Variants in KDM4C observed in about 807,000 individuals in gnomAD.
KDM4C encodes the protein lysine demethylase 4C.
Under a neutral mutation model 129.3 loss-of-function variants are expected in KDM4C, and 81 were observed. The ratio of observed to expected loss-of-function variants is 0.63; its 90% CI spans 0.52 to 0.75. The LOEUF (loss-of-function observed/expected upper bound fraction) is 0.75, where lower values mean the gene tolerates loss of function less well. Among genes scored for constraint, KDM4C ranks in the 30% least tolerant of loss-of-function variants. The pLI is 0.00. For synonymous variants in KDM4C, 573 were observed against 456.1 expected (o/e 1.26, Z -3.26); for missense variants, 1,457 against 1,304.0 (o/e 1.12, Z -1.81).
intron 18 of KDM4C, among the ~76,000 whole-genome samples, chr9:7,111,979 G>C (rs1838371008): frequency 6.6e-6 from 1 of 151,986 alleles, no homozygotes; most frequent in African/African-American, 2.4e-5. Context: ...GGCTTCCTGG[G>C]AGCAAGACCC....
In KDM4C at chr9:6,950,967, A is replaced by G. The variant is rs145546187; in HGVS notation, c.922-29958A>G. 2.8e-3 allele frequency among the ~76,000 whole-genome samples: 431 copies of G among 152,264 alleles called. 2 individuals are homozygous for G. Among genetic ancestry groups the G allele is most frequent in the African/African-American group, 9.9e-3 (410 of 41,550 alleles). ...GGGGGAGGAGGAATAGCTTTACAGT[A>G]CTTATTCTTTGCCATCTCTGAAGGG... On this transcript the variant is annotated intron_variant, in intron 8 of 21. Transcript: ENST00000381309.
At chr9:6,804,900 G>T (rs529389412) in intron 2 of KDM4C, among the ~76,000 whole-genome samples, 1 of 151,612 alleles carries the variant, frequency 6.6e-6, no homozygotes, top group Non-Finnish European at 1.5e-5. Context: ...ACATAATTTC[G>T]TCTTTTTTTG....
intron 8 of KDM4C, among the ~76,000 whole-genome samples, chr9:6,919,572 T>C (rs901150500): frequency 4.0e-5 from 6 of 151,292 alleles, no homozygotes; most frequent in African/African-American, 1.5e-4. Flanking sequence ...TCTATCTATC[T>C]ATCTATCTAT....
intron 5 of KDM4C, among the ~76,000 whole-genome samples, chr9:6,850,857 C>T (rs535469262): frequency 5.9e-5 from 9 of 152,232 alleles, no homozygotes; most frequent in Non-Finnish European, 1.2e-4. Context: ...TAGGTTCAAG[C>T]GATTCTCCTG....
intron 8 of KDM4C, among the ~76,000 whole-genome samples, chr9:6,911,552 C>T (rs1333567462): frequency 6.6e-6 from 1 of 152,136 alleles, no homozygotes; most frequent in Non-Finnish European, 1.5e-5. Context: ...TCATGCCTGT[C>T]CTTCATGATA....
chr9:7,025,349 T>C (rs1298710644), intron 15 of KDM4C, among the ~76,000 whole-genome samples: 1 of 152,156 alleles, frequency 6.6e-6, no homozygotes, highest in Non-Finnish European at 1.5e-5. Context: ...GAGAGTTTAG[T>C]GCGTTTCCAT....
chr9:7,019,698 A>AATATTTTTATATATAAAAAT (rs1824325751), intron 15 of KDM4C, among the ~76,000 whole-genome samples: 1 of 97,462 alleles, frequency 1.0e-5, no homozygotes, highest in Non-Finnish European at 1.9e-5. Flanking sequence ...ATAAAAATAT[A>AATATTTTTATATATAAAAAT]ATATTTTTAT....
At chr9:6,939,275 G>A (rs888020985) in intron 8 of KDM4C, among the ~76,000 whole-genome samples, 13 of 152,066 alleles carry the variant, frequency 8.5e-5, no homozygotes, top group Non-Finnish European at 1.9e-4. Context: ...AACTGCACAT[G>A]GGAGGGATCT....
At chr9:6,769,765 G>T (rs1216860196) in intron 1 of KDM4C, among the ~76,000 whole-genome samples, 2 of 152,142 alleles carry the variant, frequency 1.3e-5, no homozygotes, top group African/African-American at 4.8e-5. Flanking sequence ...TGGAGAAAGG[G>T]TCAATGGACA....
At chr9:6,782,239 G>T (rs1461822312) in intron 1 of KDM4C, among the ~76,000 whole-genome samples, 1 of 152,130 alleles carries the variant, frequency 6.6e-6, no homozygotes, top group Non-Finnish European at 1.5e-5. Flanking sequence ...TCAGTTGGTG[G>T]GGAGTGTTGC....
chr9:7,114,955 T>TA (rs1306576873), intron 18 of KDM4C, among the ~76,000 whole-genome samples: 3 of 152,112 alleles, frequency 2.0e-5, no homozygotes, highest in African/African-American at 7.2e-5. Flanking sequence ...GGTGTGCGCC[T>TA]ATGGTCCCAG....
At chr9:6,891,559 G>T (rs1846122066) in intron 7 of KDM4C, among the ~76,000 whole-genome samples, 1 of 152,052 alleles carries the variant, frequency 6.6e-6, no homozygotes, top group Non-Finnish European at 1.5e-5. Flanking sequence ...TCTTTTTGAG[G>T]TGATAAAATG....
chr9:6,782,687 G>A (rs1270075175), intron 1 of KDM4C, among the ~76,000 whole-genome samples: 2 of 152,142 alleles, frequency 1.3e-5, no homozygotes, highest in Middle Eastern at 3.2e-3. Context: ...TGAGGAGGGA[G>A]GGGAAAGGCA....
At chr9:7,107,404 C>G (rs572442239) in intron 18 of KDM4C, among the ~76,000 whole-genome samples, 104 of 152,344 alleles carry the variant, frequency 6.8e-4, no homozygotes, top group South Asian at 6.4e-3. Flanking sequence ...ACAGGGCCAT[C>G]TCACACTTGA....
At chr9:7,095,796 A>G (rs990723457) in intron 17 of KDM4C, among the ~76,000 whole-genome samples, 7 of 152,232 alleles carry the variant, frequency 4.6e-5, no homozygotes, top group African/African-American at 1.7e-4. Flanking sequence ...GTACAGTTGT[A>G]TCAGAAGGGA....
At chr9:7,154,079 C>G (rs1842941771) in intron 19 of KDM4C, among the ~76,000 whole-genome samples, 1 of 152,174 alleles carries the variant, frequency 6.6e-6, no homozygotes, top group Non-Finnish European at 1.5e-5. Flanking sequence ...GTGAGGGAAG[C>G]TGGGGAAGGG....
intron 1 of KDM4C, among the ~76,000 whole-genome samples, chr9:6,738,894 A>T (rs977686633): frequency 8.6e-5 from 13 of 150,712 alleles, no homozygotes; most frequent in South Asian, 8.4e-4. Flanking sequence ...CGCCCAGCTA[A>T]TTTCTATATT....
chr9:6,728,022 A>C (rs1012796955), intron 1 of KDM4C, among the ~76,000 whole-genome samples: 1 of 150,524 alleles, frequency 6.6e-6, no homozygotes, highest in Non-Finnish European at 1.5e-5. Context: ...AAACCACTAC[A>C]GAATACTAAA....
chr9:6,726,119 G>A (rs1023746624), intron 1 of KDM4C, among the ~76,000 whole-genome samples: 1 of 151,806 alleles, frequency 6.6e-6, no homozygotes, highest in East Asian at 1.9e-4. Context: ...AATGGAGATG[G>A]GGTTTCGCCG....
Sources: allele counts gnomAD v4.1 joint callset (sites outside exome capture counted in the v4.1 genomes callset), GRCh38; gene constraint gnomAD v4.1.1; transcripts MANE v1.5; gene names NCBI Gene and HGNC (gene_info 2026-07-23, HGNC 2026-07-21).